The following ST7 variants were observed in gnomAD, a reference collection of about 807,000 sequenced individuals.
The protein encoded by ST7 is suppressor of tumorigenicity 7 protein.
A neutral mutation model predicts 78.7 loss-of-function variants in ST7; 28 were observed. That is an observed-to-expected ratio of 0.36 (90% confidence interval 0.26 to 0.49). ST7 has a LOEUF of 0.49. Among genes scored for constraint, ST7 ranks in the 20% least tolerant of loss-of-function variants. The probability of loss-of-function intolerance (pLI) is 0.99; values close to 1 mark genes in which losing one functional copy is unlikely to be tolerated. For synonymous variants in ST7, 247 were observed against 249.6 expected (o/e 0.99, Z 0.10); for missense variants, 418 against 696.0 (o/e 0.60, Z 4.49).
At chr7:117,227,380 A>G (rs1340372808) in intron 15 of ST7, among the ~76,000 whole-genome samples, 1 of 152,186 alleles carries the variant, frequency 6.6e-6, no homozygotes, top group African/African-American at 2.4e-5. Flanking sequence ...TTTGCCAGCA[A>G]TATCACCTTG....
At chr7:117,171,018 T>C in intron 10 of ST7, 42 bp downstream of exon 10, 1 of 1,343,016 alleles carries the variant, frequency 7.4e-7, no homozygotes, top group Middle Eastern at 1.8e-4. Context: ...TATTCCTCTT[T>C]TGATGTATTT....
intron 13 of ST7, among the ~76,000 whole-genome samples, chr7:117,213,617 T>G (rs904509491): frequency 5.9e-5 from 9 of 151,734 alleles, no homozygotes; most frequent in Non-Finnish European, 1.3e-4. Flanking sequence ...AGAGATTGTT[T>G]GGGTTTGAAA....
intron 1 of ST7, among the ~76,000 whole-genome samples, chr7:117,038,333 G>A (rs1186140233): frequency 2.0e-5 from 3 of 152,156 alleles, no homozygotes; most frequent in Non-Finnish European, 4.4e-5. Flanking sequence ...TAGGGTGAGA[G>A]CTATTTTTTA....
chr7:117,158,531 A>C (rs1806878607), intron 9 of ST7, among the ~76,000 whole-genome samples: 1 of 152,250 alleles, frequency 6.6e-6, no homozygotes, highest in Non-Finnish European at 1.5e-5. Context: ...TAATGCGCTC[A>C]GTTCAGTGAA....
At chr7:117,157,608 A>G (rs562221883) in intron 9 of ST7, among the ~76,000 whole-genome samples, 161 of 152,326 alleles carry the variant, frequency 1.1e-3, no homozygotes, top group Non-Finnish European at 1.9e-3. Flanking sequence ...GCATTAATCT[A>G]CTGAATAGAA....
chr7:117,081,892 TGA>T (rs142782899), intron 1 of ST7, among the ~76,000 whole-genome samples: 82 of 146,384 alleles, frequency 5.6e-4, no homozygotes, highest in African/African-American at 6.7e-4. Flanking sequence ...AAATAGAGAT[TGA>T]GAGAGAGAGA....
intron 1 of ST7, among the ~76,000 whole-genome samples, chr7:117,051,746 A>G (rs191828142): frequency 1.6e-4 from 25 of 152,282 alleles, no homozygotes; most frequent in Admixed American, 3.9e-4. Flanking sequence ...TCATACTTGG[A>G]TGGTAGAACT....
At position 117,209,965 on chromosome 7, in the gene ST7, T is replaced by C. The variant is rs532043130; in HGVS notation, c.1405+28T>C. 1.9e-6 allele frequency: 3 copies of C among 1,602,000 alleles called. No homozygotes were observed. In the East Asian group the frequency reaches 6.7e-5, roughly 36 times the overall value. Reference sequence around the variant, plus strand: ...AAGTAATTTTCTTTTTTTGAAACATTTTTAAGAGCATGAAAAGGTGCTAAA... The same window carrying C: ...AAGTAATTTTCTTTTTTTGAAACATCTTTAAGAGCATGAAAAGGTGCTAAA... On this transcript the variant is annotated intron_variant, in intron 13 of 15. Transcript: ENST00000323984.
At chr7:117,198,643 A>G (rs1160239656) in intron 12 of ST7, 2 of 186,270 alleles carry the variant, frequency 1.1e-5, no homozygotes, top group Non-Finnish European at 2.3e-5. Context: ...ACCCACTCCC[A>G]TCAGGTCTTC....
intron 1 of ST7, chr7:116,954,718 C>G (rs1165564185): frequency 1.3e-5 from 2 of 153,948 alleles, no homozygotes; most frequent in African/African-American, 4.8e-5. Flanking sequence ...TTTAATTTCA[C>G]AGTACTGGGA....
chr7:117,177,154 C>A (rs1808402067), intron 10 of ST7, among the ~76,000 whole-genome samples: 1 of 152,182 alleles, frequency 6.6e-6, no homozygotes, highest in Non-Finnish European at 1.5e-5. Context: ...CAGATTTGGA[C>A]ACCAAGAGGT....
intron 9 of ST7, among the ~76,000 whole-genome samples, chr7:117,160,018 A>G (rs1384125520): frequency 3.3e-5 from 5 of 152,062 alleles, no homozygotes; most frequent in Non-Finnish European, 1.5e-5. Context: ...CCTGGCCAAC[A>G]TGGTGAAACC....
chr7:117,161,786 G>A (rs2117217344), intron 9 of ST7, among the ~76,000 whole-genome samples: 1 of 151,752 alleles, frequency 6.6e-6, no homozygotes, highest in South Asian at 2.1e-4. Flanking sequence ...TTTTAGTAGA[G>A]ATGGGGTTTC....
chr7:117,156,096 TCTC>T (rs1665704505), intron 9 of ST7, among the ~76,000 whole-genome samples: 1 of 152,180 alleles, frequency 6.6e-6, no homozygotes, highest in Non-Finnish European at 1.5e-5. Flanking sequence ...CTTTACTTAT[TCTC>T]CTCAAAATTT....
rs1554427793 is a variant in ST7, at chr7:117,031,378, G to GTA, written c.152-68378_152-68377dup. Among the ~76,000 whole-genome samples, 4 of 16,090 alleles carry GTA rather than the reference G, an allele frequency of 2.5e-4. 1 individual carries two copies. The highest frequency in any genetic ancestry group is 1.6e-3 in the Admixed American group (3 of 1,862). The allele number at this position is 16,090 out of a possible 152,430, so 10.6% of individuals were successfully genotyped here. A position where few individuals can be genotyped will look rare whatever the true frequency, so the allele number is the denominator to read the frequency against. ...AATGTGTGTGTGTGTGTATATGTGTGTATATATGTGTATATATGTGCATAT... is the reference window on the plus strand; with the variant it reads ...AATGTGTGTGTGTGTGTATATGTGTGTATATATATGTGTATATATGTGCATAT... On this transcript the variant is annotated intron_variant, in intron 1 of 15. Transcript: ENST00000323984.
intron 13 of ST7, among the ~76,000 whole-genome samples, chr7:117,214,525 C>A (rs1023517325): frequency 5.3e-5 from 8 of 152,182 alleles, no homozygotes; most frequent in African/African-American, 1.9e-4. Context: ...AGGCTGGCAC[C>A]TTTTGAACTA....
At chr7:117,028,568 A>T (rs1191416932) in intron 1 of ST7, among the ~76,000 whole-genome samples, 2 of 152,154 alleles carry the variant, frequency 1.3e-5, no homozygotes, top group Admixed American at 6.6e-5. Context: ...CTTGTCTCAG[A>T]AGTCTGAATT....
rs141783763 is a variant in ST7 at position 117,006,581 on chromosome 7, C to A, written c.151+52890C>A. 3.5e-4 allele frequency among the ~76,000 whole-genome samples: 54 copies of A among 152,280 alleles called. 2 individuals are homozygous for A. In the East Asian group the frequency reaches 9.4e-3, roughly 27 times the overall value. ...CAACAAATGTAAGAACAGAAATATA[C>A]CTAATTCCTACCAAACTTTTATAAT... On this transcript the variant is annotated intron_variant, in intron 1 of 15. Transcript: ENST00000323984.
intron 12 of ST7, among the ~76,000 whole-genome samples, chr7:117,204,882 A>G (rs1338477306): frequency 2.6e-5 from 4 of 152,202 alleles, no homozygotes; most frequent in Non-Finnish European, 4.4e-5. Flanking sequence ...ATACTTACAT[A>G]CATATAGAGA....
Sources: gnomAD v4.1 joint callset for allele counts (sites outside exome capture counted in the v4.1 genomes callset) on GRCh38, gnomAD v4.1.1 for gene constraint, MANE v1.5 for transcripts, NCBI Gene and HGNC (gene_info 2026-07-23, HGNC 2026-07-21) for gene names.